ZFHX3: variants seen among roughly 807,000 people sequenced by gnomAD.
ZFHX3 encodes the protein zinc finger homeobox 3, also known as zinc finger homeobox protein 3.
Under a neutral mutation model 279.1 loss-of-function variants are expected in ZFHX3, and 42 were observed. The ratio of observed to expected loss-of-function variants is 0.15; its 90% CI spans 0.12 to 0.19. ZFHX3 has a LOEUF of 0.19. Ranked by LOEUF, ZFHX3 falls within the 10% of genes least tolerant of loss-of-function variation. ZFHX3 has a pLI of 1.00. For missense variants in ZFHX3, 4,981 were observed against 4,754.0 expected (o/e 1.05, Z -1.40); for synonymous variants, 2,293 against 1,957.8 (o/e 1.17, Z -4.52).
rs775968647 is a variant in ZFHX3 at position 72,797,764 on chromosome 16, C to A, written c.4918G>T (p.Gly1640Trp). The stretch of plus-strand genomic sequence containing the variant: ...CTCAAGGAAATACTGCTGCTGTTCC[C>A]AGTCCCATTGCTGCTGCCACTTGCA... The part of the protein sequence containing the change: ...EAASGSSNGT[G>W]NSSSISLSSS... The change falls in exon 9 of 10, where the codon GGG becomes TGG. Residue 1640 changes from glycine (G) to tryptophan (W), a missense_variant. Around this residue, in one of 7 missense-constraint regions of ZFHX3, gnomAD observed 1,751 missense variants for 1,770.0 expected, o/e 0.99. Transcript: ENST00000268489. The A allele has an allele frequency of 6.2e-7, 1 of 1,614,114 alleles. No homozygotes were observed. Among genetic ancestry groups the A allele is most frequent in the Non-Finnish European group, 8.5e-7 (1 of 1,180,024 alleles).
chr16:73,882,648 C>A (rs936780226), intron 1 of ZFHX3, among the ~76,000 whole-genome samples: 3 of 151,896 alleles, frequency 2.0e-5, no homozygotes, highest in Non-Finnish European at 4.4e-5. Context: ...CTGGAAATTC[C>A]AGGATCCTAC....
intron 1 of ZFHX3, among the ~76,000 whole-genome samples, chr16:73,848,947 A>G (rs943873878): frequency 6.6e-6 from 1 of 152,216 alleles, no homozygotes; most frequent in Non-Finnish European, 1.5e-5. Flanking sequence ...TGAAATTCCC[A>G]AGGGTTTTCT....
At chr16:73,242,612 C>T (rs1227621123) in intron 5 of ZFHX3, among the ~76,000 whole-genome samples, 1 of 152,214 alleles carries the variant, frequency 6.6e-6, no homozygotes, top group Non-Finnish European at 1.5e-5. Flanking sequence ...TCAATTATTT[C>T]TTCAGTTCTC....
intron 3 of ZFHX3, among the ~76,000 whole-genome samples, chr16:72,910,703 T>A (rs2039294933): frequency 6.6e-6 from 1 of 152,136 alleles, no homozygotes; most frequent in South Asian, 2.1e-4. Context: ...TTCATAACCC[T>A]CGGGAGTTTT....
At chr16:73,691,594 C>T (rs900592816) in intron 1 of ZFHX3, among the ~76,000 whole-genome samples, 1 of 152,100 alleles carries the variant, frequency 6.6e-6, no homozygotes, top group African/African-American at 2.4e-5. Flanking sequence ...ACCCGATAAT[C>T]GATATCATAT....
chr16:73,088,668 G>A (rs759800523), intron 8 of ZFHX3, among the ~76,000 whole-genome samples: 3 of 152,122 alleles, frequency 2.0e-5, no homozygotes, highest in Non-Finnish European at 4.4e-5. Context: ...AGGTAGTGAG[G>A]GCATGGATCC....
chr16:73,706,990 T>A (rs894800140), intron 1 of ZFHX3, among the ~76,000 whole-genome samples: 3 of 152,360 alleles, frequency 2.0e-5, no homozygotes, highest in African/African-American at 7.2e-5. Flanking sequence ...ATCAATGTTT[T>A]GTGTTTTTAA....
intron 2 of ZFHX3, among the ~76,000 whole-genome samples, chr16:73,503,045 A>G (rs2019266542): frequency 6.6e-6 from 1 of 152,188 alleles, no homozygotes; most frequent in South Asian, 2.1e-4. Context: ...CTCACTCGGA[A>G]CTGCAGGCCC....
At position 73,739,678 on chromosome 16, in the gene ZFHX3, G is replaced by C. The variant is rs193127077; in HGVS notation, c.-1607-59438C>G. ...TATTGACTATCAGGGACTCCCAAAA[G>C]GGTGGGAGAAAGGGTGACACAGTTA... On this transcript the variant is annotated intron_variant, in intron 1 of 17. Coordinates refer to the ZFHX3 transcript ENST00000641206. 3.1e-3 allele frequency among the ~76,000 whole-genome samples: 465 copies of C among 152,250 alleles called. 3 individuals are homozygous for C. The highest frequency in any genetic ancestry group is 0.01 in the African/African-American group (435 of 41,532).
At chr16:73,028,308 G>C (rs144873438) in intron 1 of ZFHX3, among the ~76,000 whole-genome samples, 2 of 152,148 alleles carry the variant, frequency 1.3e-5, no homozygotes, top group Non-Finnish European at 2.9e-5. Flanking sequence ...TCAGTCCACC[G>C]GGAGGTGGAA....
At chr16:73,112,324 G>C (rs1171821246) in intron 7 of ZFHX3, among the ~76,000 whole-genome samples, 3 of 152,084 alleles carry the variant, frequency 2.0e-5, no homozygotes, top group Non-Finnish European at 2.9e-5. Context: ...GGAAGGAAGG[G>C]AAGAAGGGCA....
intron 1 of ZFHX3, among the ~76,000 whole-genome samples, chr16:73,682,149 A>G (rs1219627476): frequency 6.6e-6 from 1 of 152,192 alleles, no homozygotes; most frequent in African/African-American, 2.4e-5. Context: ...TTTGAAAATC[A>G]TTTGCCATTG....
chr16:73,444,955 T>TAA (rs56235953), intron 3 of ZFHX3, among the ~76,000 whole-genome samples: 4 of 68,446 alleles, frequency 5.8e-5, no homozygotes, highest in Non-Finnish European at 1.1e-4. Flanking sequence ...CCATCTATAC[T>TAA]AAAAAAAAAA....
chr16:73,392,789 C>T lies in ZFHX3; in HGVS notation c.-1291+63214G>A, dbSNP rs187325995. On this transcript the variant is annotated intron_variant, in intron 3 of 17. Transcript: ENST00000641206. Reference sequence around the variant, plus strand: ...TGTCTCAACCTTCTAACAGATGAAACGTCGAATAAGGCAGGTCAAGAGCAT... The same window carrying T: ...TGTCTCAACCTTCTAACAGATGAAATGTCGAATAAGGCAGGTCAAGAGCAT... Among the ~76,000 whole-genome samples the T allele has an allele frequency of 2.6e-4, 40 of 152,156 alleles. 1 individual carries two copies. The highest frequency in any genetic ancestry group is 8.4e-4 in the African/African-American group (35 of 41,494).
At chr16:73,876,203 AGGTTTATGTTTCT>A (rs1220771539) in intron 1 of ZFHX3, among the ~76,000 whole-genome samples, 1 of 152,200 alleles carries the variant, frequency 6.6e-6, no homozygotes. Flanking sequence ...TTATCAAATC[AGGTTTATGTTTCT>A]GGAATGAGTT....
intron 2 of ZFHX3, among the ~76,000 whole-genome samples, chr16:73,520,639 G>A (rs904706889): frequency 6.6e-6 from 1 of 152,116 alleles, no homozygotes; most frequent in Non-Finnish European, 1.5e-5. Context: ...CAAACATCTG[G>A]TGTCTAGCAA....
chr16:72,800,315 C>T (rs1343545346), intron 7 of ZFHX3, among the ~76,000 whole-genome samples, 186 bp from the exon 8 acceptor site: 2 of 152,200 alleles, frequency 1.3e-5, no homozygotes, highest in Non-Finnish European at 2.9e-5. Flanking sequence ...AGTGTTTCTA[C>T]GGTTACATTC....
At chr16:72,808,197 C>G (rs191397488) in intron 7 of ZFHX3, 1 of 152,132 alleles carries the variant, frequency 6.6e-6, no homozygotes, top group African/African-American at 2.4e-5. Context: ...CATTTTTACA[C>G]CAAATTTTTC....
intron 3 of ZFHX3, among the ~76,000 whole-genome samples, chr16:72,936,049 T>C (rs997421891): frequency 6.6e-6 from 1 of 152,154 alleles, no homozygotes; most frequent in Non-Finnish European, 1.5e-5. Context: ...TCAAAGTAAT[T>C]TGACACCAGC....
Sources: gnomAD v4.1 joint callset for allele counts (sites outside exome capture counted in the v4.1 genomes callset) on GRCh38, gnomAD v4.1.1 for gene constraint, gnomAD v4.1.1 regional missense constraint, MANE v1.5 for transcripts, NCBI Gene and HGNC (gene_info 2026-07-23, HGNC 2026-07-21) for gene names.